Variants in CFAP43 observed in about 807,000 individuals in gnomAD.
The protein encoded by CFAP43 is cilia- and flagella-associated protein 43.
In CFAP43, 155 loss-of-function variants were observed where a neutral mutation model predicts 218.9. The observed-to-expected ratio is 0.71, with a 90% CI of 0.62 to 0.81. The LOEUF (loss-of-function observed/expected upper bound fraction) is 0.81. CFAP43 is among the 30% of genes least tolerant of loss of function. CFAP43 has a pLI of 0.00. For missense variants in CFAP43, 1,778 were observed against 1,954.3 expected (o/e 0.91, Z 1.70); for synonymous variants, 645 against 681.3 (o/e 0.95, Z 0.83).
chr10:104,207,451 G>A (rs532071657), intron 6 of CFAP43, among the ~76,000 whole-genome samples: 8 of 152,078 alleles, frequency 5.3e-5, no homozygotes, highest in East Asian at 1.9e-4. Flanking sequence ...CTTCTGTATC[G>A]TGGAGATTAA....
intron 19 of CFAP43, among the ~76,000 whole-genome samples, chr10:104,175,087 AC>A (rs201326927): frequency 3.3e-5 from 5 of 150,848 alleles, no homozygotes; most frequent in African/African-American, 9.8e-5. Flanking sequence ...AAACAAACAA[AC>A]AAAAAAAAAC....
rs982010620 is a variant in CFAP43 at position 104,137,311 on chromosome 10, C to T, written c.4432-3527G>A. ...GAAGAATGAAGACTGATACATGCTA[C>T]AACATGGTTAAATCTTAAAAACATG... is the stretch of plus-strand genomic sequence containing the variant. On this transcript the variant is annotated intron_variant, in intron 34 of 37. Coordinates refer to ENST00000357060, the MANE Select transcript of CFAP43 (RefSeq NM_025145.7). 3.3e-5 allele frequency among the ~76,000 whole-genome samples: 5 copies of T among 152,128 alleles called. No homozygotes were observed. The South Asian group carries it at 8.3e-4, about 25-fold the overall frequency.
chr10:104,152,720 C>G lies in CFAP43; in HGVS notation c.3547G>C (p.Glu1183Gln), dbSNP rs781239027. The G allele has an allele frequency of 6.2e-7, 1 of 1,607,880 alleles. No individual in the cohort carries two copies. Among genetic ancestry groups the G allele is most frequent in the Non-Finnish European group, 8.5e-7 (1 of 1,178,480 alleles). ...EERDKYRKSLEAELKKLQNSI... is the reference protein window; with the variant it reads ...EERDKYRKSLQAELKKLQNSI... ...TTTTGAAGTTTCTTCAGTTCTGCTT[C>G]TAATGACTAAAAGGAAAACAATAGT... is the stretch of plus-strand genomic sequence containing the variant. Residue 1183 changes from glutamate (E) to glutamine (Q), a missense_variant, in exon 28 of 38, where the codon GAA becomes CAA. By Grantham distance (29) the Glu-to-Gln change is conservative. Transcript: ENST00000357060.
intron 3 of CFAP43, among the ~76,000 whole-genome samples, chr10:104,218,458 T>C (rs1406727924): frequency 1.3e-5 from 2 of 151,972 alleles, no homozygotes; most frequent in African/African-American, 4.8e-5. Context: ...GTGTTTGTCC[T>C]TCCTTCTCAA....
At chr10:104,227,076 C>A (rs1219843156) in intron 2 of CFAP43, among the ~76,000 whole-genome samples, 1 of 151,972 alleles carries the variant, frequency 6.6e-6, no homozygotes, top group African/African-American at 2.4e-5. Flanking sequence ...CATAGTGTTG[C>A]CTCCTATTGG....
At chr10:104,182,646 C>A in intron 16 of CFAP43, 133 bp from the exon 17 acceptor site, 4 of 832,638 alleles carry the variant, frequency 4.8e-6, no homozygotes, top group Non-Finnish European at 6.7e-6. Flanking sequence ...GTGGACAATT[C>A]TTCACAGTGC....
intron 20 of CFAP43, among the ~76,000 whole-genome samples, chr10:104,169,766 C>T (rs1315262536): frequency 6.6e-6 from 1 of 151,850 alleles, no homozygotes; most frequent in Admixed American, 6.6e-5. Context: ...CTTTTTGATT[C>T]TGATCCAGTG....
intron 23 of CFAP43, among the ~76,000 whole-genome samples, chr10:104,165,082 C>T (rs1265170996): frequency 6.6e-6 from 1 of 152,168 alleles, no homozygotes; most frequent in East Asian, 1.9e-4. Context: ...GCCAGAGAAT[C>T]ACCACCACAC....
intron 28 of CFAP43, among the ~76,000 whole-genome samples, chr10:104,149,439 G>T (rs1451421359): frequency 9.9e-5 from 15 of 152,116 alleles, no homozygotes; most frequent in Non-Finnish European, 2.1e-4. Flanking sequence ...TTTCAAAGTG[G>T]TACACTTCAG....
In CFAP43 at chr10:104,192,308, A is replaced by C. The variant is rs1418514389; in HGVS notation, c.1443-6T>G. On this transcript the variant is annotated splice_region_variant and splice_polypyrimidine_tract_variant and intron_variant, in intron 11 of 37. Transcript: ENST00000357060. Reference sequence around the variant, plus strand: ...ATATTCCTTGCTGATCATAACTAGAAAAGAAGAAATCTGATGATCAAATCC... The same window carrying C: ...ATATTCCTTGCTGATCATAACTAGACAAGAAGAAATCTGATGATCAAATCC... The C allele has an allele frequency of 6.2e-7, 1 of 1,600,836 alleles. No homozygotes were observed. The highest frequency in any genetic ancestry group is 1.3e-5 in the African/African-American group (1 of 74,636).
rs2090597291 is a variant in CFAP43, at chr10:104,203,657, T to C, written c.1095+15A>G. 1.3e-6 allele frequency: 2 copies of C among 1,586,366 alleles called. No homozygotes were observed. The highest frequency in any genetic ancestry group is 8.5e-7 in the Non-Finnish European group (1 of 1,169,848). On this transcript the variant is annotated intron_variant, in intron 8 of 37. Transcript: ENST00000357060. ...ATCTGAAAATCACATATCAAGAAAT[T>C]ACCATCCAACATACCTTGTCTGTTT...
At chr10:104,231,630 G>T (rs34973112) in intron 1 of CFAP43, among the ~76,000 whole-genome samples, 8,369 of 152,268 alleles carry the variant, frequency 0.055, 286 homozygotes, top group South Asian at 0.13. Context: ...TGGAGGTGGG[G>T]GCTGGGAGGA....
At chr10:104,184,945 T>G in intron 16 of CFAP43, 71 bp downstream of exon 16, 1 of 1,561,840 alleles carries the variant, frequency 6.4e-7, no homozygotes, top group Non-Finnish European at 8.6e-7. Context: ...CTTGCTGTAC[T>G]TAAATAATAA....
intron 12 of CFAP43, among the ~76,000 whole-genome samples, chr10:104,191,092 T>C (rs578217148): frequency 3.9e-5 from 6 of 152,358 alleles, no homozygotes; most frequent in South Asian, 4.1e-4. Context: ...GCTAGTATTA[T>C]AGCTTCCAAT....
At chr10:104,156,448 G>A (rs1490978373) in intron 27 of CFAP43, among the ~76,000 whole-genome samples, 2 of 152,120 alleles carry the variant, frequency 1.3e-5, no homozygotes, top group African/African-American at 4.8e-5. Context: ...AAAGATACCT[G>A]TTAATATTCA....
chr10:104,207,842 A>G lies in CFAP43; in HGVS notation c.736-18T>C. 1 of 1,594,544 alleles carries G rather than the reference A, an allele frequency of 6.3e-7. No individual in the cohort carries two copies. The highest frequency in any genetic ancestry group is 1.1e-5 in the South Asian group (1 of 87,696). The stretch of plus-strand genomic sequence containing the variant: ...TCTTTCGGCTTCAGGGAGAGAATAA[A>G]ACCTTGTGTTAAGAAAACAATCACG... On this transcript the variant is annotated intron_variant, in intron 5 of 37. Coordinates refer to ENST00000357060, the MANE Select transcript of CFAP43 (RefSeq NM_025145.7).
chr10:104,152,461 G>T, intron 28 of CFAP43, 146 bp downstream of exon 28: 1 of 1,075,032 alleles, frequency 9.3e-7, no homozygotes. Flanking sequence ...TAAAGGGGAA[G>T]GTGCACAAGA....
At chr10:104,207,895 A>G in intron 5 of CFAP43, 71 bp from the exon 6 acceptor site, 2 of 1,478,000 alleles carry the variant, frequency 1.4e-6, no homozygotes, top group Non-Finnish European at 9.1e-7. Context: ...TACTCACCAG[A>G]ACAACTGACA....
rs766214025 is a variant in CFAP43, at chr10:104,130,134, C to T, written c.*5G>A. ...ATTTGGCCTTGTGTTTTCCTGCCAG[C>T]GTTTTTACATTTGAACAAGAGCAGG... On this transcript the variant is annotated 3_prime_UTR_variant, in exon 38 of 38. Transcript: ENST00000357060. 44 of 1,565,824 alleles carry T rather than the reference C, an allele frequency of 2.8e-5. No individual in the cohort carries two copies. Among genetic ancestry groups the T allele is most frequent in the Middle Eastern group, 1.7e-4 (1 of 5,886 alleles).
Sources: allele counts gnomAD v4.1 joint callset (sites outside exome capture counted in the v4.1 genomes callset), GRCh38; gene constraint gnomAD v4.1.1; transcripts MANE v1.5; gene names NCBI Gene and HGNC (gene_info 2026-07-23, HGNC 2026-07-21).